USP34: variants seen among roughly 807,000 people sequenced by gnomAD.
USP34 encodes the protein ubiquitin carboxyl-terminal hydrolase 34.
A neutral mutation model predicts 460.3 loss-of-function variants in USP34; 70 were observed. That is an observed-to-expected ratio of 0.15 (90% CI 0.13 to 0.19). The LOEUF is 0.19. Among genes scored for constraint, USP34 ranks in the 10% least tolerant of loss-of-function variants. The probability of loss-of-function intolerance (pLI) is 1.00; values close to 1 mark genes in which losing one functional copy is unlikely to be tolerated. For synonymous variants in USP34, 1,647 were observed against 1,405.3 expected (o/e 1.17, Z -3.85); for missense variants, 3,985 against 4,236.2 (o/e 0.94, Z 1.65).
chr2:61,189,341 C>T (rs371119959), intron 78 of USP34: 3 of 248,868 alleles, frequency 1.2e-5, no homozygotes, highest in Non-Finnish European at 2.3e-5. Context: ...GGTGTAATCT[C>T]GGCTCGCTGC....
At chr2:61,330,283 G>C (rs1022433867) in intron 20 of USP34, among the ~76,000 whole-genome samples, 5 of 152,010 alleles carry the variant, frequency 3.3e-5, no homozygotes, top group Non-Finnish European at 7.4e-5. Context: ...CTGACACAAT[G>C]GTAAATATCA....
At chr2:61,431,397 T>C (rs1694671874) in intron 1 of USP34, among the ~76,000 whole-genome samples, 1 of 152,114 alleles carries the variant, frequency 6.6e-6, no homozygotes, top group African/African-American at 2.4e-5. Flanking sequence ...TAATTATTAA[T>C]TAAACTTTTT....
At chr2:61,403,992 CAAAAAAAAAAAAA>C (rs71405114) in intron 3 of USP34, among the ~76,000 whole-genome samples, 48 of 29,128 alleles carry the variant, frequency 1.6e-3, no homozygotes, top group African/African-American at 3.9e-3. Flanking sequence ...GACTCTATCT[CAAAAAAAAAAAAA>C]AAAAAAAAAA....
At chr2:61,324,964 G>C (rs947410660) in intron 21 of USP34, among the ~76,000 whole-genome samples, 9 of 152,016 alleles carry the variant, frequency 5.9e-5, no homozygotes, top group African/African-American at 2.2e-4. Flanking sequence ...TGGAACTGAA[G>C]GCCATTATTC....
At chr2:61,391,501 G>C (rs560317382) in intron 5 of USP34, among the ~76,000 whole-genome samples, 2 of 152,232 alleles carry the variant, frequency 1.3e-5, no homozygotes, top group African/African-American at 4.8e-5. Flanking sequence ...AGTGATTTAT[G>C]AGTTATTTTC....
intron 41 of USP34, among the ~76,000 whole-genome samples, chr2:61,271,271 T>A (rs1417615124): frequency 1.3e-5 from 2 of 152,230 alleles, no homozygotes; most frequent in Non-Finnish European, 2.9e-5. Context: ...ACCACTGCAC[T>A]CCAACCTGGG....
At chr2:61,456,058 C>G (rs1695429093) in intron 1 of USP34, among the ~76,000 whole-genome samples, 1 of 152,254 alleles carries the variant, frequency 6.6e-6, no homozygotes, top group Admixed American at 6.5e-5. Flanking sequence ...ATTTCTATAC[C>G]TACCAGCATA....
chr2:61,365,593 A>G (rs950703088), intron 10 of USP34, among the ~76,000 whole-genome samples: 3 of 152,184 alleles, frequency 2.0e-5, no homozygotes, highest in African/African-American at 4.8e-5. Context: ...ATCCATAAGA[A>G]TAAATACAAT....
chr2:61,280,832 G>A (rs917449168), intron 38 of USP34, among the ~76,000 whole-genome samples: 3 of 152,108 alleles, frequency 2.0e-5, no homozygotes, highest in African/African-American at 4.8e-5. Context: ...GCCCAGAACC[G>A]AGTGAGAATA....
At chr2:61,218,903 T>C (rs542648653) in intron 67 of USP34, among the ~76,000 whole-genome samples, 2 of 152,350 alleles carry the variant, frequency 1.3e-5, no homozygotes, top group Admixed American at 6.5e-5. Flanking sequence ...CCGGCTGAGT[T>C]GTACTGTAAA....
chr2:61,216,056 T>A (rs540672979), intron 67 of USP34, among the ~76,000 whole-genome samples: 1 of 152,364 alleles, frequency 6.6e-6, no homozygotes, highest in Non-Finnish European at 1.5e-5. Flanking sequence ...TCCATTGTAT[T>A]GTCAAAGCAA....
At chr2:61,317,572 G>C in intron 23 of USP34, 82 bp downstream of exon 23, 3 of 1,239,910 alleles carry the variant, frequency 2.4e-6, no homozygotes, top group Non-Finnish European at 3.5e-6. Flanking sequence ...TCTATACTTT[G>C]TAGAAAAATA....
intron 58 of USP34, among the ~76,000 whole-genome samples, chr2:61,231,558 T>A (rs1176631020): frequency 1.3e-5 from 2 of 151,926 alleles, no homozygotes; most frequent in Non-Finnish European, 2.9e-5. Context: ...TACAAAAAAA[T>A]ACAAAAATTA....
In USP34 at chr2:61,278,218, C is replaced by A. The variant is rs922157080; in HGVS notation, c.5380G>T (p.Ala1794Ser). 1.2e-6 allele frequency: 2 copies of A among 1,613,666 alleles called. No homozygotes were observed. Among genetic ancestry groups the A allele is most frequent in the Non-Finnish European group, 1.7e-6 (2 of 1,179,788 alleles). ...GGTTTGTGTTTAACAACACTTGTTG[C>A]AAGCCTTAGGAGTCCTGTAAGCCCA... ...DDGLTGLLRL[A>S]TSVVKHKPPF... The change falls in exon 41 of 80, where the codon GCA becomes TCA. Residue 1794 changes from alanine to serine, a missense_variant. Around this residue, in one of 14 missense-constraint regions of USP34, gnomAD observed 1,114 missense variants for 1,122.5 expected, o/e 0.99. Transcript: ENST00000398571.
At chr2:61,468,941 G>GC (rs1695864873) in intron 1 of USP34, among the ~76,000 whole-genome samples, 1 of 152,156 alleles carries the variant, frequency 6.6e-6, no homozygotes, top group Non-Finnish European at 1.5e-5. Context: ...AGGCGCAGTG[G>GC]CTCACGCCTG....
At chr2:61,329,080 G>C (rs1691181115) in intron 20 of USP34, among the ~76,000 whole-genome samples, 1 of 152,196 alleles carries the variant, frequency 6.6e-6, no homozygotes, top group African/African-American at 2.4e-5. Context: ...GAAGTGCAGT[G>C]GTGCGAGCTC....
At chr2:61,367,957 G>A (rs1692489274) in intron 10 of USP34, among the ~76,000 whole-genome samples, 1 of 152,064 alleles carries the variant, frequency 6.6e-6, no homozygotes, top group African/African-American at 2.4e-5. Context: ...GTCGTCTCAG[G>A]CATTTAAAAA....
intron 10 of USP34, among the ~76,000 whole-genome samples, chr2:61,366,508 G>C (rs897572199): frequency 6.6e-6 from 1 of 152,130 alleles, no homozygotes; most frequent in Non-Finnish European, 1.5e-5. Context: ...CTTCCCTGGG[G>C]GAGAAAACTA....
Position 61,470,587 on chromosome 2 carries a change from C to G in USP34, c.43+63G>C, listed in dbSNP as rs370482184. 7 of 1,215,200 alleles carry G rather than the reference C, an allele frequency of 5.8e-6. No homozygotes were observed. In the African/African-American group the frequency reaches 7.9e-5, roughly 14 times the overall value. The allele number at this position is 1,215,200 out of a possible 1,614,324, so 75.3% of individuals were successfully genotyped here. A position where few individuals can be genotyped will look rare whatever the true frequency, so the allele number is the denominator to read the frequency against. Reference sequence around the variant, plus strand: ...CGCAGGCCGCGGCAGCCCGGGGAGGCCAGAGAGCTGCGCGAGGACCCCAAA... The same window carrying G: ...CGCAGGCCGCGGCAGCCCGGGGAGGGCAGAGAGCTGCGCGAGGACCCCAAA... On this transcript the variant is annotated intron_variant, in intron 1 of 79. Transcript: ENST00000398571.
Sources: allele counts gnomAD v4.1 joint callset (sites outside exome capture counted in the v4.1 genomes callset), GRCh38; gene constraint gnomAD v4.1.1; regional missense constraint gnomAD v4.1.1; transcripts MANE v1.5; gene names NCBI Gene and HGNC (gene_info 2026-07-23, HGNC 2026-07-21).